Variants in MLIP observed in about 807,000 individuals in gnomAD.
MLIP encodes the protein muscular LMNA-interacting protein.
In MLIP, 79 loss-of-function variants were observed where a neutral mutation model predicts 84.8. The ratio of observed to expected loss-of-function variants is 0.93; its 90% CI spans 0.78 to 1.12. The LOEUF (loss-of-function observed/expected upper bound fraction) is 1.12, where lower values mean the gene tolerates loss of function less well. Among genes scored for constraint, MLIP ranks in the 50% most tolerant of loss-of-function variants. The pLI is 0.00. For synonymous variants in MLIP, 504 were observed against 463.0 expected (o/e 1.09, Z -1.14); for missense variants, 1,257 against 1,160.6 (o/e 1.08, Z -1.21).
At chr6:54,255,225 C>G (rs944457783) in intron 12 of MLIP, among the ~76,000 whole-genome samples, 1 of 152,166 alleles carries the variant, frequency 6.6e-6, no homozygotes, top group Non-Finnish European at 1.5e-5. Context: ...AGAGCACAGT[C>G]TCTGCATACT....
rs146378160 is a variant in MLIP, at chr6:54,115,506, G to A, written c.96+3931G>A. Among the ~76,000 whole-genome samples the A allele has an allele frequency of 4.8e-3, 737 of 152,256 alleles. 4 individuals carry two copies. The highest frequency in any genetic ancestry group is 0.017 in the African/African-American group (686 of 41,540). Reference sequence around the variant, plus strand: ...AGAATGAAGAAACAAATTACGGAAGGTTTGCAGCTATTGGGCAAGGCTAGG... The same window carrying A: ...AGAATGAAGAAACAAATTACGGAAGATTTGCAGCTATTGGGCAAGGCTAGG... On this transcript the variant is annotated intron_variant, in intron 1 of 13. Coordinates refer to ENST00000502396, the MANE Select transcript of MLIP (RefSeq NM_001281747.2).
chr6:54,134,399 C>T (rs1192335257), intron 3 of MLIP, among the ~76,000 whole-genome samples: 1 of 151,726 alleles, frequency 6.6e-6, no homozygotes, highest in Admixed American at 6.6e-5. Context: ...TACATCGTGG[C>T]ATATTTGCAA....
At chr6:54,235,845 C>A (rs1407246297) in intron 12 of MLIP, among the ~76,000 whole-genome samples, 1 of 152,058 alleles carries the variant, frequency 6.6e-6, no homozygotes, top group African/African-American at 2.4e-5. Context: ...GGGCATCTGA[C>A]CTTCTCTTGT....
In MLIP at chr6:54,137,766, A is replaced by G; in HGVS notation, c.1697A>G (p.Gln566Arg). 1 of 1,536,108 alleles carries G rather than the reference A, an allele frequency of 6.5e-7. No individual in the cohort carries two copies. The highest frequency in any genetic ancestry group is 8.7e-7 in the Non-Finnish European group (1 of 1,146,900). ...TCTCTTTCCTCTTTGAAGAGTAAAC[A>G]GGATGGTGACCTCAGGGGTCCAGAA... ...SSSLSSLKSK[Q>R]DGDLRGPENP... The change falls in exon 4 of 14, where the codon CAG becomes CGG. Residue 566 changes from glutamine (Q) to arginine (R), a missense_variant. Coordinates refer to ENST00000502396, the MANE Select transcript of MLIP (RefSeq NM_001281747.2).
intron 4 of MLIP, among the ~76,000 whole-genome samples, chr6:54,139,653 T>C (rs1482557748): frequency 6.6e-6 from 1 of 152,176 alleles, no homozygotes; most frequent in Non-Finnish European, 1.5e-5. Flanking sequence ...CTATATGAAG[T>C]TGATAATACT....
intron 12 of MLIP, among the ~76,000 whole-genome samples, chr6:54,249,558 C>G (rs971772854): frequency 6.6e-6 from 1 of 151,698 alleles, no homozygotes; most frequent in Non-Finnish European, 1.5e-5. Flanking sequence ...AAAGAAAAAA[C>G]TCAGAGCATT....
intron 12 of MLIP, among the ~76,000 whole-genome samples, chr6:54,248,898 C>T (rs1220484508): frequency 6.6e-6 from 1 of 151,962 alleles, no homozygotes; most frequent in Non-Finnish European, 1.5e-5. Context: ...AATATACCAA[C>T]CAACATGTAT....
intron 13 of MLIP, chr6:54,261,587 C>G (rs1382154190): frequency 2.0e-6 from 2 of 984,990 alleles, no homozygotes; most frequent in African/African-American, 3.5e-5. Context: ...TGATTTGCCA[C>G]TTTGGTGGTA....
intron 1 of MLIP, among the ~76,000 whole-genome samples, chr6:54,080,480 AT>A (rs35779975): frequency 0.77 from 116,283 of 151,722 alleles, 46,568 homozygotes; most frequent in Non-Finnish European, 0.89. Context: ...GCATGTCCTT[AT>A]TTTTACAATC....
upstream of MLIP, among the ~76,000 whole-genome samples, chr6:54,108,933 G>A (rs1456276225): frequency 2.0e-5 from 3 of 151,776 alleles, no homozygotes; most frequent in Admixed American, 6.6e-5. Flanking sequence ...CAAAAATCTG[G>A]ACTGTCACTT....
intron 12 of MLIP, among the ~76,000 whole-genome samples, chr6:54,233,431 T>G (rs1781147048): frequency 6.6e-6 from 1 of 152,118 alleles, no homozygotes; most frequent in South Asian, 2.1e-4. Context: ...ATGCAGAGTT[T>G]GTTTTTCTGT....
intron 1 of MLIP, among the ~76,000 whole-genome samples, chr6:54,022,736 A>G (rs992390637): frequency 2.6e-5 from 4 of 152,194 alleles, no homozygotes. Flanking sequence ...GGGCATTCTG[A>G]TAAATAATGG....
At chr6:54,181,071 G>T (rs1776810833) in intron 9 of MLIP, among the ~76,000 whole-genome samples, 1 of 152,078 alleles carries the variant, frequency 6.6e-6, no homozygotes, top group Admixed American at 6.5e-5. Context: ...CCTGGAACTG[G>T]GGGTGAGATG....
chr6:54,179,484 C>G (rs1776635818), intron 9 of MLIP, among the ~76,000 whole-genome samples: 1 of 151,472 alleles, frequency 6.6e-6, no homozygotes, highest in African/African-American at 2.4e-5. Context: ...TTTTCTTTTC[C>G]TTTTTCCTGT....
intron 9 of MLIP, among the ~76,000 whole-genome samples, chr6:54,185,063 T>C (rs1407895483): frequency 6.6e-6 from 1 of 152,202 alleles, no homozygotes; most frequent in Non-Finnish European, 1.5e-5. Context: ...CCTTTTCCCA[T>C]CATCTGCTTA....
chr6:54,158,735 G>A (rs904149327), intron 5 of MLIP, among the ~76,000 whole-genome samples: 4 of 152,032 alleles, frequency 2.6e-5, no homozygotes, highest in Admixed American at 2.0e-4. Context: ...ATCCCCAAGG[G>A]TCAAATACTA....
chr6:54,103,886 C>G (rs903323149), intron 1 of MLIP, among the ~76,000 whole-genome samples: 2 of 152,290 alleles, frequency 1.3e-5, no homozygotes, highest in South Asian at 4.1e-4. Context: ...ATATGTGACT[C>G]TAATGACAAA....
chr6:54,111,366 T>C (rs1237588860), upstream of MLIP: 1 of 1,468,262 alleles, frequency 6.8e-7, no homozygotes, highest in Non-Finnish European at 9.0e-7. Context: ...ATGACTCTGC[T>C]TTACCTCTTT....
chr6:54,096,538 G>A (rs1339956494), intron 1 of MLIP, among the ~76,000 whole-genome samples: 1 of 152,120 alleles, frequency 6.6e-6, no homozygotes, highest in African/African-American at 2.4e-5. Context: ...CACAGCTGGT[G>A]AAGCCTTGGC....
Sources: allele counts gnomAD v4.1 joint callset (sites outside exome capture counted in the v4.1 genomes callset), GRCh38; gene constraint gnomAD v4.1.1; transcripts MANE v1.5; gene names NCBI Gene and HGNC (gene_info 2026-07-23, HGNC 2026-07-21).